Variants in PLA2G4A observed in about 807,000 individuals in gnomAD.
PLA2G4A encodes the protein phospholipase A2 group IVA.
In PLA2G4A, 40 loss-of-function variants were observed where a neutral mutation model predicts 81.9. The ratio of observed to expected loss-of-function variants is 0.49; its 90% CI spans 0.38 to 0.64. PLA2G4A has a LOEUF of 0.64. Among genes scored for constraint, PLA2G4A ranks in the 30% least tolerant of loss-of-function variants. PLA2G4A has a pLI of 0.00. For synonymous variants in PLA2G4A, 302 were observed against 296.9 expected, an observed-to-expected ratio of 1.02 and a Z score of -0.18; for missense variants, 715 against 905.1, an observed-to-expected ratio of 0.79 and a Z score of 2.69.
At chr1:186,920,636 T>C (rs1466157249) in intron 7 of PLA2G4A, among the ~76,000 whole-genome samples, 2 of 152,190 alleles carry the variant, frequency 1.3e-5, no homozygotes, top group African/African-American at 2.4e-5. Flanking sequence ...CACTTATCTT[T>C]CCAATGTCCT....
chr1:186,945,594 C>A (rs914170976), intron 10 of PLA2G4A, among the ~76,000 whole-genome samples: 1 of 152,058 alleles, frequency 6.6e-6, no homozygotes. Context: ...TCTAAACATA[C>A]CTCGTGATAG....
At chr1:186,987,716 G>T (rs1237983007) in intron 17 of PLA2G4A, among the ~76,000 whole-genome samples, 1 of 152,210 alleles carries the variant, frequency 6.6e-6, no homozygotes, top group African/African-American at 2.4e-5. Context: ...TATGACAGTT[G>T]AAATAGCAGT....
At chr1:186,853,079 T>C (rs1227242377) in intron 1 of PLA2G4A, among the ~76,000 whole-genome samples, 1 of 151,948 alleles carries the variant, frequency 6.6e-6, no homozygotes, top group African/African-American at 2.4e-5. Flanking sequence ...TTGGTACAAA[T>C]AATGATGGTT....
At chr1:186,847,065 G>A (rs1016677707) in intron 1 of PLA2G4A, among the ~76,000 whole-genome samples, 4 of 151,688 alleles carry the variant, frequency 2.6e-5, no homozygotes, top group African/African-American at 9.7e-5. Context: ...GAATTTGAGA[G>A]AAGAAAAGGA....
At chr1:186,881,251 G>A (rs1043853605) in intron 3 of PLA2G4A, among the ~76,000 whole-genome samples, 2 of 152,016 alleles carry the variant, frequency 1.3e-5, no homozygotes, top group South Asian at 2.1e-4. Context: ...GAAATGAAAT[G>A]TACAGCTTAA....
At chr1:186,923,574 AC>A (rs1201446737) in intron 7 of PLA2G4A, among the ~76,000 whole-genome samples, 3 of 152,258 alleles carry the variant, frequency 2.0e-5, no homozygotes, top group Non-Finnish European at 4.4e-5. Flanking sequence ...AGCAAACAAA[AC>A]CAATGATGTG....
chr1:186,943,760 T>C (rs1010643204), intron 10 of PLA2G4A, among the ~76,000 whole-genome samples: 9 of 152,172 alleles, frequency 5.9e-5, no homozygotes, highest in African/African-American at 2.2e-4. Flanking sequence ...TATGCACACA[T>C]TGGTGAAGAA....
intron 17 of PLA2G4A, among the ~76,000 whole-genome samples, chr1:186,984,874 C>A (rs2102306926): frequency 6.6e-6 from 1 of 152,186 alleles, no homozygotes; most frequent in East Asian, 1.9e-4. Context: ...TATTTTCCCC[C>A]AAATATTTAA....
intron 15 of PLA2G4A, among the ~76,000 whole-genome samples, chr1:186,968,080 A>G (rs920997836): frequency 9.2e-5 from 14 of 152,098 alleles, no homozygotes; most frequent in African/African-American, 3.1e-4. Flanking sequence ...CTCTAAGATG[A>G]TAGCTTAGAA....
Position 186,932,881 on chromosome 1 carries a change from G to T in PLA2G4A, c.677G>T (p.Gly226Val). 2 of 1,612,276 alleles carry T rather than the reference G, an allele frequency of 1.2e-6. No homozygotes were observed. Among genetic ancestry groups the T allele is most frequent in the Non-Finnish European group, 1.7e-6 (2 of 1,178,414 alleles). The part of the protein sequence containing the change: ...GILDCATYVA[G>V]LSGSTWYMST... ...CTGGATTGTGCTACCTACGTTGCTG[G>T]TCTTTCTGGCTCCACCTGGTTAGTA... Residue 226 changes from glycine (G) to valine (V), a missense_variant, in exon 8 of 18, where the codon GGT (glycine) becomes GTT (valine). By Grantham distance (109) the Gly-to-Val change is moderately radical. Coordinates refer to ENST00000367466, the MANE Select transcript of PLA2G4A (RefSeq NM_024420.3).
Position 186,978,457 on chromosome 1 carries a change from G to A in PLA2G4A, c.1960+669G>A, listed in dbSNP as rs150841438. Among the ~76,000 whole-genome samples the A allele has an allele frequency of 6.6e-4, 101 of 152,284 alleles. 1 individual carries two copies. Among genetic ancestry groups the A allele is most frequent in the African/African-American group, 2.4e-3 (98 of 41,558 alleles). On this transcript the variant is annotated intron_variant, in intron 16 of 17. Transcript: ENST00000367466. Reference sequence around the variant, plus strand: ...AAGACACAAAAAATAGGGAGGATGAGTAATGGGAATATGCTGAGAAAAATG... The same window carrying A: ...AAGACACAAAAAATAGGGAGGATGAATAATGGGAATATGCTGAGAAAAATG...
chr1:186,888,496 G>A (rs1175690060), intron 3 of PLA2G4A, among the ~76,000 whole-genome samples: 1 of 152,130 alleles, frequency 6.6e-6, no homozygotes, highest in Non-Finnish European at 1.5e-5. Flanking sequence ...AGTCTGAAAA[G>A]GCAATTTCCC....
rs1571440954 is a variant in PLA2G4A, at chr1:186,956,284, T to C, written c.1519T>C (p.Leu507=). 6.2e-7 allele frequency: 1 copy of C among 1,613,696 alleles called. No homozygotes were observed. Among genetic ancestry groups the C allele is most frequent in the Non-Finnish European group, 8.5e-7 (1 of 1,179,638 alleles). ...CAATACATCTTATCCACTGTCTCCTTTGAGTGACTTTGCCACACAGGACTC... is the reference window on the plus strand; with the variant it reads ...CAATACATCTTATCCACTGTCTCCTCTGAGTGACTTTGCCACACAGGACTC... ...NLNTSYPLSP[L]SDFATQDSFD... is the part of the protein sequence containing the mutation. The change falls in exon 14 of 18, where the codon TTG becomes CTG. Residue 507 remains leucine (L), a synonymous_variant. Coordinates refer to ENST00000367466, the MANE Select transcript of PLA2G4A (RefSeq NM_024420.3).
chr1:186,960,098 A>T (rs1656894167), intron 14 of PLA2G4A, among the ~76,000 whole-genome samples: 1 of 152,128 alleles, frequency 6.6e-6, no homozygotes, highest in African/African-American at 2.4e-5. Context: ...AAACAGAAGA[A>T]ATTATAATAG....
In PLA2G4A at chr1:186,965,599, G is replaced by C; in HGVS notation, c.1764+6G>C. 3 of 1,597,596 alleles carry C rather than the reference G, an allele frequency of 1.9e-6. No homozygotes were observed. The highest frequency in any genetic ancestry group is 1.7e-6 in the Non-Finnish European group (2 of 1,165,016). ...ACTCTAGTCCTCCGTTCAAGGTAAGGATACATAATACAGCATTCCATTCTC... is the reference window on the plus strand; with the variant it reads ...ACTCTAGTCCTCCGTTCAAGGTAAGCATACATAATACAGCATTCCATTCTC... On this transcript the variant is annotated splice_donor_region_variant and intron_variant, in intron 15 of 17. Coordinates refer to ENST00000367466, the MANE Select transcript of PLA2G4A (RefSeq NM_024420.3).
At chr1:186,876,293 C>T (rs552391977) in intron 3 of PLA2G4A, among the ~76,000 whole-genome samples, 6 of 152,244 alleles carry the variant, frequency 3.9e-5, no homozygotes, top group South Asian at 4.1e-4. Context: ...TTTTAAATCA[C>T]GCTGTGTTGC....
At chr1:186,852,750 A>G (rs1170079712) in intron 1 of PLA2G4A, among the ~76,000 whole-genome samples, 1 of 151,978 alleles carries the variant, frequency 6.6e-6, no homozygotes, top group Non-Finnish European at 1.5e-5. Flanking sequence ...TACATTAGCA[A>G]TGAAATTTCA....
At chr1:186,868,566 C>G (rs906463980) in intron 2 of PLA2G4A, among the ~76,000 whole-genome samples, 3 of 152,148 alleles carry the variant, frequency 2.0e-5, no homozygotes. Flanking sequence ...CTGCTTTTAT[C>G]TTCTGGAAAG....
intron 13 of PLA2G4A, among the ~76,000 whole-genome samples, chr1:186,955,769 C>G (rs1382388678): frequency 2.7e-5 from 3 of 111,920 alleles, no homozygotes; most frequent in Non-Finnish European, 5.0e-5. Flanking sequence ...GAGTCTTGCT[C>G]TGTCGTCAGG....
Sources: allele counts gnomAD v4.1 joint callset (sites outside exome capture counted in the v4.1 genomes callset), GRCh38; gene constraint gnomAD v4.1.1; transcripts MANE v1.5; gene names NCBI Gene and HGNC (gene_info 2026-07-23, HGNC 2026-07-21).